NBAS: variants seen among roughly 807,000 people sequenced by gnomAD.
NBAS encodes the protein NAG/BC035112 fusion.
Under a neutral mutation model 302.5 loss-of-function variants are expected in NBAS, and 219 were observed. That is an observed-to-expected ratio of 0.72 (90% CI 0.65 to 0.81). The LOEUF is 0.81. Among genes scored for constraint, NBAS ranks in the 30% least tolerant of loss-of-function variants. The pLI is 0.00. For synonymous variants in NBAS, 1,118 were observed against 1,021.6 expected (o/e 1.09, Z -1.80); for missense variants, 2,932 against 2,841.6 (o/e 1.03, Z -0.72).
chr2:15,508,001 A>T (rs1197084881), intron 10 of NBAS, among the ~76,000 whole-genome samples: 1 of 150,980 alleles, frequency 6.6e-6, no homozygotes, highest in African/African-American at 2.4e-5. Flanking sequence ...AACAAACAGT[A>T]AGAGGAGGTT....
the NBAS span, among the ~76,000 whole-genome samples, chr2:14,851,412 A>G: frequency 6.6e-6 from 1 of 152,030 alleles, no homozygotes; most frequent in Non-Finnish European, 1.5e-5. Context: ...GACTAAAAAC[A>G]GGAGCTGAAA....
chr2:15,469,011 A>G (rs1679843776), intron 16 of NBAS, among the ~76,000 whole-genome samples: 2 of 152,182 alleles, frequency 1.3e-5, no homozygotes, highest in Admixed American at 6.5e-5. Flanking sequence ...TTGATCATAA[A>G]AAGTCATGAT....
chr2:15,076,897 C>A, the NBAS span, among the ~76,000 whole-genome samples: 1 of 152,178 alleles, frequency 6.6e-6, no homozygotes, highest in Non-Finnish European at 1.5e-5. Context: ...CATCATAATT[C>A]AAACAAGCAA....
At chr2:15,402,062 TCACA>T in intron 26 of NBAS, 102 bp downstream of exon 26, 1 of 1,255,356 alleles carries the variant, frequency 8.0e-7, no homozygotes. Flanking sequence ...TATGTTTTTT[TCACA>T]TTCCCAAAAT....
the NBAS span, among the ~76,000 whole-genome samples, chr2:15,097,130 T>A: frequency 6.6e-6 from 1 of 151,820 alleles, no homozygotes; most frequent in African/African-American, 2.4e-5. Flanking sequence ...GGAGCTGAGG[T>A]ATTTATGTAG....
the NBAS span, among the ~76,000 whole-genome samples, chr2:14,861,263 A>G: frequency 1.9e-3 from 287 of 152,350 alleles, 1 homozygote; most frequent in African/African-American, 6.5e-3. Flanking sequence ...AGTTATTCTG[A>G]ATACTTAATT....
intron 30 of NBAS, among the ~76,000 whole-genome samples, chr2:15,376,307 T>C (rs1674733632): frequency 6.6e-6 from 1 of 152,114 alleles, no homozygotes; most frequent in Admixed American, 6.6e-5. Flanking sequence ...ATGAAGGTGA[T>C]GAAGGTGTGT....
At chr2:14,829,514 A>G in the NBAS span, among the ~76,000 whole-genome samples, 1 of 152,200 alleles carries the variant, frequency 6.6e-6, no homozygotes, top group Non-Finnish European at 1.5e-5. Context: ...ATATGATTTC[A>G]TAGATGATAA....
intron 10 of NBAS, among the ~76,000 whole-genome samples, chr2:15,506,926 T>C (rs888485870): frequency 2.6e-5 from 4 of 152,094 alleles, no homozygotes; most frequent in African/African-American, 9.7e-5. Context: ...ATAGTTTCTG[T>C]GAAATGATGG....
At chr2:15,317,917 GA>G (rs1572645856) in intron 38 of NBAS, among the ~76,000 whole-genome samples, 2 of 152,170 alleles carry the variant, frequency 1.3e-5, no homozygotes, top group East Asian at 3.9e-4. Flanking sequence ...GAGATTCCTC[GA>G]GAAGAGCAAC....
intron 35 of NBAS, among the ~76,000 whole-genome samples, chr2:15,340,419 AAAG>A (rs1226915982): frequency 2.6e-5 from 4 of 152,170 alleles, no homozygotes; most frequent in African/African-American, 4.8e-5. Flanking sequence ...AAAACTGCAG[AAAG>A]AAGGTCATTG....
intron 9 of NBAS, among the ~76,000 whole-genome samples, chr2:15,517,011 A>C (rs568594498): frequency 6.6e-6 from 1 of 152,290 alleles, no homozygotes. Flanking sequence ...GCAACTTGAC[A>C]ATATCAAATA....
At chr2:14,970,886 G>C in the NBAS span, among the ~76,000 whole-genome samples, 1 of 152,140 alleles carries the variant, frequency 6.6e-6, no homozygotes, top group Non-Finnish European at 1.5e-5. Flanking sequence ...AGGATTTGTT[G>C]TTCCCTGCTT....
At chr2:15,078,897 A>G in the NBAS span, among the ~76,000 whole-genome samples, 1 of 152,160 alleles carries the variant, frequency 6.6e-6, no homozygotes, top group African/African-American at 2.4e-5. Flanking sequence ...GTAAATTTCA[A>G]TCCTCCTGGA....
At chr2:14,869,458 C>T in the NBAS span, among the ~76,000 whole-genome samples, 1 of 152,066 alleles carries the variant, frequency 6.6e-6, no homozygotes, top group African/African-American at 2.4e-5. Context: ...CCTTCACTGG[C>T]TTCACTCCCT....
intron 28 of NBAS, among the ~76,000 whole-genome samples, chr2:15,390,705 T>C (rs1009241875): frequency 6.6e-6 from 1 of 152,328 alleles, no homozygotes; most frequent in Non-Finnish European, 1.5e-5. Context: ...TCACTTGGTG[T>C]TGTATACTTT....
At chr2:15,329,922 T>G (rs1672246176) in intron 36 of NBAS, among the ~76,000 whole-genome samples, 2 of 152,212 alleles carry the variant, frequency 1.3e-5, no homozygotes, top group Non-Finnish European at 2.9e-5. Flanking sequence ...TACAAATATG[T>G]ATTTTCTGTG....
the NBAS span, among the ~76,000 whole-genome samples, chr2:14,922,196 T>C: frequency 6.6e-6 from 1 of 152,198 alleles, no homozygotes; most frequent in Non-Finnish European, 1.5e-5. Flanking sequence ...CAGGCAGGGC[T>C]GGAGGAATCA....
At chr2:15,474,919 T>A (rs1680123314) in intron 14 of NBAS, among the ~76,000 whole-genome samples, 1 of 152,182 alleles carries the variant, frequency 6.6e-6, no homozygotes, top group South Asian at 2.1e-4. Context: ...TTATCAGGTC[T>A]TGTACCTGAT....
Sources: gnomAD v4.1 joint callset for allele counts (sites outside exome capture counted in the v4.1 genomes callset) on GRCh38, gnomAD v4.1.1 for gene constraint, MANE v1.5 for transcripts, NCBI Gene and HGNC (gene_info 2026-07-23, HGNC 2026-07-21) for gene names.